FMN2: variants seen among roughly 807,000 people sequenced by gnomAD.
FMN2 encodes the protein formin-2.
A neutral mutation model predicts 142.3 loss-of-function variants in FMN2; 51 were observed. The ratio of observed to expected loss-of-function variants is 0.36; its 90% CI spans 0.29 to 0.45. The LOEUF is 0.45. Ranked by LOEUF, FMN2 falls within the 20% of genes least tolerant of loss-of-function variation. The pLI is 1.00. For synonymous variants in FMN2, 882 were observed against 869.8 expected (o/e 1.01, Z -0.25); for missense variants, 1,936 against 2,122.8 (o/e 0.91, Z 1.73).
At chr1:240,433,071 T>A (rs1323311793) in intron 15 of FMN2, among the ~76,000 whole-genome samples, 1 of 152,180 alleles carries the variant, frequency 6.6e-6, no homozygotes, top group African/African-American at 2.4e-5. Flanking sequence ...AAATATCCAA[T>A]TCGATGATGA....
In FMN2 at chr1:240,329,187, A is replaced by C; in HGVS notation, c.4307+20A>C. The C allele has an allele frequency of 6.2e-7, 1 of 1,613,282 alleles. No individual in the cohort carries two copies. The highest frequency in any genetic ancestry group is 8.5e-7 in the Non-Finnish European group (1 of 1,179,626). ...TGAACAGTAAGCATGTCTTATAACC[A>C]CGTAGAGGGCGTCCAGGCTATGGGT... On this transcript the variant is annotated intron_variant, in intron 9 of 17. Coordinates refer to ENST00000319653, the MANE Select transcript of FMN2 (RefSeq NM_020066.5).
intron 15 of FMN2, among the ~76,000 whole-genome samples, chr1:240,400,368 T>TG (rs1673935612): frequency 6.6e-6 from 1 of 152,148 alleles, no homozygotes; most frequent in South Asian, 2.1e-4. Context: ...CAATAAGATA[T>TG]GTAACCCAGG....
chr1:240,420,468 C>G (rs1478121359), intron 15 of FMN2, among the ~76,000 whole-genome samples: 1 of 152,204 alleles, frequency 6.6e-6, no homozygotes, highest in African/African-American at 2.4e-5. Context: ...CCTTTTCAGG[C>G]CTAGCACTTC....
intron 2 of FMN2, among the ~76,000 whole-genome samples, chr1:240,142,504 T>C (rs1255535588): frequency 6.7e-6 from 1 of 148,780 alleles, no homozygotes; most frequent in East Asian, 2.0e-4. Flanking sequence ...TTTATATTTT[T>C]TGGGGGGGGA....
At chr1:240,132,422 G>A (rs1662777093) in intron 2 of FMN2, among the ~76,000 whole-genome samples, 1 of 152,178 alleles carries the variant, frequency 6.6e-6, no homozygotes, top group South Asian at 2.1e-4. Context: ...ATTGGTGGTT[G>A]TGGCCAGAGG....
intron 1 of FMN2, among the ~76,000 whole-genome samples, chr1:240,122,550 T>G (rs913502340): frequency 1.3e-5 from 2 of 152,118 alleles, no homozygotes. Context: ...CCCAAAGTGC[T>G]GGGATTACAG....
chr1:240,433,045 T>C (rs931805696), intron 15 of FMN2, among the ~76,000 whole-genome samples: 5 of 152,224 alleles, frequency 3.3e-5, no homozygotes, highest in African/African-American at 1.2e-4. Context: ...TCTTGACTAC[T>C]GAGAAAGAGG....
intron 14 of FMN2, among the ~76,000 whole-genome samples, chr1:240,367,490 C>T (rs188538422): frequency 2.0e-5 from 3 of 152,106 alleles, no homozygotes; most frequent in Admixed American, 1.3e-4. Flanking sequence ...AGAAATCCGG[C>T]GGGGGGCAGT....
chr1:240,366,970 G>A (rs1188487506), intron 14 of FMN2, among the ~76,000 whole-genome samples: 1 of 152,108 alleles, frequency 6.6e-6, no homozygotes, highest in Non-Finnish European at 1.5e-5. Context: ...CTGAGGTGTG[G>A]GACAAGTGAA....
intron 2 of FMN2, chr1:240,143,743 C>T: frequency 6.5e-7 from 1 of 1,532,572 alleles, no homozygotes; most frequent in East Asian, 2.3e-5. Context: ...GAGCTCAGTA[C>T]TTCTCCCTGA....
At chr1:240,182,630 T>G (rs1665197718) in intron 3 of FMN2, among the ~76,000 whole-genome samples, 1 of 152,134 alleles carries the variant, frequency 6.6e-6, no homozygotes, top group South Asian at 2.1e-4. Context: ...TAAAGGAATA[T>G]AGATCAAACG....
At chr1:240,245,209 TGAAAATA>T (rs1236641131) in intron 6 of FMN2, 50 of 265,582 alleles carry the variant, frequency 1.9e-4, no homozygotes, top group South Asian at 1.8e-3. Flanking sequence ...TTTGTCATTT[TGAAAATA>T]GAAAATAGAA....
At chr1:240,403,639 G>T (rs560848697) in intron 15 of FMN2, among the ~76,000 whole-genome samples, 180 of 152,232 alleles carry the variant, frequency 1.2e-3, no homozygotes, top group Non-Finnish European at 2.1e-3. Context: ...AGGAGCTAAA[G>T]ATATCTAGAA....
At chr1:240,183,109 G>A (rs1231435466) in intron 3 of FMN2, among the ~76,000 whole-genome samples, 2 of 151,012 alleles carry the variant, frequency 1.3e-5, no homozygotes, top group Non-Finnish European at 2.9e-5. Flanking sequence ...GTAGATATGA[G>A]GTTTTGTCAT....
chr1:240,250,876 A>G (rs1668254061), intron 6 of FMN2, among the ~76,000 whole-genome samples: 2 of 152,072 alleles, frequency 1.3e-5, no homozygotes, highest in Admixed American at 1.3e-4. Context: ...ATTATTGTAT[A>G]GTTGTTCATA....
At chr1:240,397,874 G>C (rs1015753838) in intron 15 of FMN2, among the ~76,000 whole-genome samples, 1 of 150,752 alleles carries the variant, frequency 6.6e-6, no homozygotes, top group Non-Finnish European at 1.5e-5. Context: ...CCCAAAATGG[G>C]CACTATGACC....
chr1:240,340,898 A>C (rs1671720592), intron 13 of FMN2, among the ~76,000 whole-genome samples: 1 of 152,044 alleles, frequency 6.6e-6, no homozygotes, highest in African/African-American at 2.4e-5. Context: ...TGTGTAGAAA[A>C]ATTTCTCAGC....
intron 16 of FMN2, among the ~76,000 whole-genome samples, chr1:240,445,438 G>A (rs1675772265): frequency 2.0e-5 from 3 of 152,208 alleles, no homozygotes; most frequent in Admixed American, 2.0e-4. Context: ...TGAAGAGGCA[G>A]CATTGCTGTG....
chr1:240,158,465 AG>A (rs1664127374), intron 2 of FMN2, among the ~76,000 whole-genome samples: 6 of 152,194 alleles, frequency 3.9e-5, no homozygotes, highest in Non-Finnish European at 5.9e-5. Flanking sequence ...ATGTATGATT[AG>A]GAAAGAGTCA....
Sources: gnomAD v4.1 joint callset for allele counts (sites outside exome capture counted in the v4.1 genomes callset) on GRCh38, gnomAD v4.1.1 for gene constraint, MANE v1.5 for transcripts, NCBI Gene and HGNC (gene_info 2026-07-23, HGNC 2026-07-21) for gene names.